Variants in PPP3R1 observed in about 807,000 individuals in gnomAD.
The protein encoded by PPP3R1 is protein phosphatase 3 regulatory subunit B, alpha.
PPP3R1 carries 5 observed loss-of-function variants against 22.6 expected under a neutral mutation model. That is an observed-to-expected ratio of 0.22 (90% CI 0.12 to 0.46). The LOEUF is 0.46. Ranked by LOEUF, PPP3R1 falls within the 20% of genes least tolerant of loss-of-function variation. The pLI is 0.99. For synonymous variants in PPP3R1, 56 were observed against 65.2 expected, an observed-to-expected ratio of 0.86 and a Z score of 0.68; for missense variants, 61 against 203.2, an observed-to-expected ratio of 0.30 and a Z score of 4.25.
At position 68,252,258 on chromosome 2, in the gene PPP3R1, G is replaced by C; in HGVS notation, c.-131C>G. On this transcript the variant is annotated 5_prime_UTR_variant, in exon 1 of 6. Coordinates refer to ENST00000234310, the MANE Select transcript of PPP3R1 (RefSeq NM_000945.4). ...TCGCCGGCGGGGAGGGGGCGCGCGT[G>C]GGGGAGGGGAGGCGGCGCCGCGGGG... The C allele has an allele frequency of 2.8e-6, 3 of 1,069,702 alleles. No individual in the cohort carries two copies. The highest frequency in any genetic ancestry group is 5.4e-5 in the Admixed American group (1 of 18,666). 66.3% of individuals were successfully genotyped at this position (1,069,702 alleles called of 1,614,324 possible).
intron 1 of PPP3R1, among the ~76,000 whole-genome samples, chr2:68,229,689 A>G (rs539149664): frequency 6.6e-6 from 1 of 152,112 alleles, no homozygotes; most frequent in Non-Finnish European, 1.5e-5. Flanking sequence ...ACTTTATCTA[A>G]TATTAAATAT....
At position 68,187,237 on chromosome 2, in the gene PPP3R1, G is replaced by A. The variant is rs1193733335; in HGVS notation, c.280+18C>T. The A allele has an allele frequency of 6.3e-7, 1 of 1,580,916 alleles. No individual in the cohort carries two copies. Among genetic ancestry groups the A allele is most frequent in the Non-Finnish European group, 8.7e-7 (1 of 1,153,882 alleles). ...ATGGTAGTATAAGAGAATGAAGTCAGTGAAGAAAAATACTTACACCTCAAT... is the reference window on the plus strand; with the variant it reads ...ATGGTAGTATAAGAGAATGAAGTCAATGAAGAAAAATACTTACACCTCAAT... On this transcript the variant is annotated intron_variant, in intron 4 of 5. Transcript: ENST00000234310.
At position 68,246,116 on chromosome 2, in the gene PPP3R1, C is replaced by T. The variant is rs188377689; in HGVS notation, c.3+6009G>A. Reference sequence around the variant, plus strand: ...TTGAGACAGAGTCTTGCTCTGTCGTCCAAGCTGGAGTGCACTGGTACAATC... The same window carrying T: ...TTGAGACAGAGTCTTGCTCTGTCGTTCAAGCTGGAGTGCACTGGTACAATC... On this transcript the variant is annotated intron_variant, in intron 1 of 5. Transcript: ENST00000234310. 1.9e-4 allele frequency among the ~76,000 whole-genome samples: 23 copies of T among 122,090 alleles called. No individual in the cohort carries two copies. In the East Asian group the frequency reaches 6.0e-3, roughly 32 times the overall value. 80.1% of individuals were successfully genotyped at this position (122,090 alleles called of 152,430 possible).
At chr2:68,204,986 TTAAA>T (rs1445479702) in intron 2 of PPP3R1, among the ~76,000 whole-genome samples, 2 of 152,234 alleles carry the variant, frequency 1.3e-5, no homozygotes, top group African/African-American at 4.8e-5. Flanking sequence ...TGAATTGTAA[TTAAA>T]TAATTATTTC....
intron 5 of PPP3R1, 99 bp from the exon 6 acceptor site, chr2:68,181,109 G>A: frequency 8.4e-7 from 1 of 1,186,496 alleles, no homozygotes; most frequent in Admixed American, 1.9e-5. Context: ...TTACTAGGGG[G>A]CTGGGCGTGG....
chr2:68,248,508 G>A (rs945550102), intron 1 of PPP3R1, among the ~76,000 whole-genome samples: 1 of 152,146 alleles, frequency 6.6e-6, no homozygotes, highest in Admixed American at 6.5e-5. Context: ...GGTTCTCAAA[G>A]TTCAGCCTAT....
chr2:68,231,914 G>A (rs751097286), intron 1 of PPP3R1, among the ~76,000 whole-genome samples: 12 of 151,392 alleles, frequency 7.9e-5, no homozygotes, highest in Non-Finnish European at 1.6e-4. Flanking sequence ...AAAGTGTCCT[G>A]GGGATCCCCA....
rs1296652727 is a variant in PPP3R1, at chr2:68,180,828, T to C, written c.*135A>G. On this transcript the variant is annotated 3_prime_UTR_variant, in exon 6 of 6. Coordinates refer to ENST00000234310, the MANE Select transcript of PPP3R1 (RefSeq NM_000945.4). ...TAACACTTAGTTGGCTTCATGAGGC[T>C]CATGTTGGAAAATGTGGCTTCACAG... 1.2e-5 allele frequency: 10 copies of C among 854,876 alleles called. No individual in the cohort carries two copies. Among genetic ancestry groups the C allele is most frequent in the Non-Finnish European group, 1.8e-5 (10 of 540,852 alleles). 53.0% of individuals were successfully genotyped at this position (854,876 alleles called of 1,614,324 possible).
At chr2:68,193,572 G>A (rs1443958665) in intron 2 of PPP3R1, among the ~76,000 whole-genome samples, 1 of 152,104 alleles carries the variant, frequency 6.6e-6, no homozygotes, top group African/African-American at 2.4e-5. Flanking sequence ...CAGCTTTCAA[G>A]AACAAATGGT....
chr2:68,226,263 T>C (rs941182347), intron 1 of PPP3R1, among the ~76,000 whole-genome samples: 8 of 152,182 alleles, frequency 5.3e-5, no homozygotes, highest in African/African-American at 1.9e-4. Context: ...CAAAACTATA[T>C]ACATTTATCA....
intron 1 of PPP3R1, among the ~76,000 whole-genome samples, chr2:68,251,320 C>A (rs1477064157): frequency 6.6e-6 from 1 of 152,118 alleles, no homozygotes; most frequent in African/African-American, 2.4e-5. Context: ...AAATTAAAAT[C>A]GCCATGATTC....
intron 2 of PPP3R1, among the ~76,000 whole-genome samples, chr2:68,201,495 A>T (rs1345640472): frequency 1.3e-5 from 2 of 152,204 alleles, no homozygotes; most frequent in African/African-American, 2.4e-5. Context: ...CTTCTTGAAG[A>T]CATTCTTCAC....
chr2:68,196,813 C>G (rs968057071), intron 2 of PPP3R1, among the ~76,000 whole-genome samples: 1 of 152,050 alleles, frequency 6.6e-6, no homozygotes, highest in African/African-American at 2.4e-5. Flanking sequence ...TAACCTCTGC[C>G]TCCTGGGTTC....
chr2:68,186,067 T>G (rs900485497), intron 5 of PPP3R1, among the ~76,000 whole-genome samples: 1 of 152,244 alleles, frequency 6.6e-6, no homozygotes, highest in Non-Finnish European at 1.5e-5. Context: ...TCTTTGCCTC[T>G]ACTCTGGATG....
At chr2:68,246,509 A>C (rs557640326) in intron 1 of PPP3R1, among the ~76,000 whole-genome samples, 2 of 152,288 alleles carry the variant, frequency 1.3e-5, no homozygotes, top group Admixed American at 6.5e-5. Flanking sequence ...CCTTGCCACC[A>C]TTACAACAAA....
chr2:68,238,581 G>C (rs1195308300), intron 1 of PPP3R1, among the ~76,000 whole-genome samples: 1 of 152,174 alleles, frequency 6.6e-6, no homozygotes, highest in Non-Finnish European at 1.5e-5. Flanking sequence ...ACGTAGCCTT[G>C]ACTTTCAAAT....
intron 5 of PPP3R1, among the ~76,000 whole-genome samples, chr2:68,185,026 C>G (rs768085288): frequency 3.9e-5 from 6 of 152,096 alleles, no homozygotes; most frequent in South Asian, 2.1e-4. Context: ...CGAGACCATC[C>G]TGGCCAACAT....
Position 68,243,687 on chromosome 2 carries a change from T to C in PPP3R1, c.3+8438A>G, listed in dbSNP as rs565962003. ...ACCCTCGTTAAAGTAACAACCTCTATCACTATAAAATTGTTACCTAATTAG... is the reference window on the plus strand; with the variant it reads ...ACCCTCGTTAAAGTAACAACCTCTACCACTATAAAATTGTTACCTAATTAG... On this transcript the variant is annotated intron_variant, in intron 1 of 5. Coordinates refer to ENST00000234310, the MANE Select transcript of PPP3R1 (RefSeq NM_000945.4). Among the ~76,000 whole-genome samples the C allele has an allele frequency of 4.6e-5, 7 of 152,254 alleles. No homozygotes were observed. The South Asian group carries it at 1.5e-3, about 32-fold the overall frequency.
intron 1 of PPP3R1, among the ~76,000 whole-genome samples, chr2:68,247,710 T>C (rs558577208): frequency 1.3e-5 from 2 of 152,342 alleles, no homozygotes; most frequent in East Asian, 3.9e-4. Context: ...GCTGGGTGGA[T>C]AGCATTATCC....
Sources: gnomAD v4.1 joint callset for allele counts (sites outside exome capture counted in the v4.1 genomes callset) on GRCh38, gnomAD v4.1.1 for gene constraint, MANE v1.5 for transcripts, NCBI Gene and HGNC (gene_info 2026-07-23, HGNC 2026-07-21) for gene names.